KYNU: variants seen among roughly 807,000 people sequenced by gnomAD.
KYNU encodes the protein L-kynurenine hydrolase.
In KYNU, 54 loss-of-function variants were observed where a neutral mutation model predicts 59.2. That is an observed-to-expected ratio of 0.91 (90% CI 0.73 to 1.14). The LOEUF is 1.14. Among genes scored for constraint, KYNU ranks in the 50% most tolerant of loss-of-function variants. The pLI is 0.00. For missense variants in KYNU, 567 were observed against 554.4 expected, an observed-to-expected ratio of 1.02 and a Z score of -0.23; for synonymous variants, 177 against 192.0, an observed-to-expected ratio of 0.92 and a Z score of 0.65.
intron 4 of KYNU, among the ~76,000 whole-genome samples, chr2:142,932,068 C>G (rs535748942): frequency 1.3e-5 from 2 of 152,068 alleles, no homozygotes; most frequent in Non-Finnish European, 2.9e-5. Context: ...CAGGCTTGGT[C>G]GGTAGGAAAA....
chr2:143,006,381 C>A (rs938459588), intron 10 of KYNU, among the ~76,000 whole-genome samples: 5 of 151,920 alleles, frequency 3.3e-5, no homozygotes, highest in African/African-American at 1.2e-4. Context: ...GAGATTATAT[C>A]CCACACCTGG....
intron 11 of KYNU, 52 bp downstream of exon 11, chr2:143,029,731 T>A (rs1359979472): frequency 9.4e-7 from 1 of 1,060,140 alleles, no homozygotes; most frequent in Admixed American, 1.7e-5. Flanking sequence ...TTTATTTCAA[T>A]GTTCATCTGT....
At chr2:142,975,728 C>T (rs116016567) in intron 8 of KYNU, among the ~76,000 whole-genome samples, 182 of 152,250 alleles carry the variant, frequency 1.2e-3, no homozygotes, top group African/African-American at 4.1e-3. Context: ...TCTGTGTTAG[C>T]CTAATTTGCA....
intron 4 of KYNU, among the ~76,000 whole-genome samples, chr2:142,938,862 C>T (rs1428923380): frequency 6.6e-6 from 1 of 151,950 alleles, no homozygotes; most frequent in Non-Finnish European, 1.5e-5. Flanking sequence ...GTGGCTCACA[C>T]CTGTAGTTCC....
chr2:143,003,836 C>G (rs1558969781), intron 10 of KYNU, among the ~76,000 whole-genome samples: 1 of 152,076 alleles, frequency 6.6e-6, no homozygotes, highest in Non-Finnish European at 1.5e-5. Context: ...TAATGGTGTC[C>G]AATTCAGGTG....
intron 4 of KYNU, among the ~76,000 whole-genome samples, chr2:142,931,698 T>A (rs1683224223): frequency 6.6e-6 from 1 of 152,194 alleles, no homozygotes; most frequent in Admixed American, 6.5e-5. Flanking sequence ...TGTCCACGAC[T>A]GGTGGGTTTT....
chr2:142,956,773 T>C (rs1326785651), intron 6 of KYNU, among the ~76,000 whole-genome samples: 1 of 152,122 alleles, frequency 6.6e-6, no homozygotes, highest in East Asian at 1.9e-4. Context: ...AAAAGTCACA[T>C]TACTTTACTT....
chr2:142,954,327 T>C (rs1684092161), intron 4 of KYNU, among the ~76,000 whole-genome samples: 2 of 152,128 alleles, frequency 1.3e-5, no homozygotes, highest in Non-Finnish European at 2.9e-5. Flanking sequence ...TGTCTTGTTA[T>C]ATATTTCACT....
intron 4 of KYNU, among the ~76,000 whole-genome samples, chr2:142,932,753 A>G (rs115526070): frequency 0.011 from 1,141 of 107,930 alleles, 13 homozygotes; most frequent in African/African-American, 0.037. Flanking sequence ...CTTCAATAGT[A>G]TGTGGGGGCG....
chr2:142,932,297 T>C (rs1345557667), intron 4 of KYNU, among the ~76,000 whole-genome samples: 1 of 152,224 alleles, frequency 6.6e-6, no homozygotes, highest in East Asian at 1.9e-4. Flanking sequence ...TGACATACCA[T>C]GGTCCTTGCT....
chr2:142,909,343 A>AT (rs566932846), intron 2 of KYNU, among the ~76,000 whole-genome samples: 45 of 149,958 alleles, frequency 3.0e-4, no homozygotes, highest in East Asian at 5.9e-4. Context: ...TGCTGTTTGT[A>AT]TTTTTTTTTT....
chr2:142,928,825 TG>T (rs2105016577), intron 4 of KYNU, among the ~76,000 whole-genome samples: 1 of 151,594 alleles, frequency 6.6e-6, no homozygotes, highest in African/African-American at 2.4e-5. Context: ...CTGGCCAACA[TG>T]GTGAGATCCC....
At chr2:142,986,177 T>G (rs527762428) in intron 10 of KYNU, among the ~76,000 whole-genome samples, 156 bp downstream of exon 10, 8 of 152,112 alleles carry the variant, frequency 5.3e-5, no homozygotes, top group African/African-American at 1.9e-4. Context: ...TATACTTCAT[T>G]TGAAATACAT....
At position 142,908,626 on chromosome 2, in the gene KYNU, A is replaced by G. The variant is rs575076639; in HGVS notation, c.170-9983A>G. Among the ~76,000 whole-genome samples, 7 of 141,928 alleles carry G rather than the reference A, an allele frequency of 4.9e-5. No homozygotes were observed. In the South Asian group the frequency reaches 1.4e-3, roughly 29 times the overall value. 93.1% of individuals were successfully genotyped at this position (141,928 alleles called of 152,430 possible). On this transcript the variant is annotated intron_variant, in intron 2 of 13. Transcript: ENST00000264170. ...AGACCAGTATCTAAGTCCTAATAAA[A>G]TATGAAATGATCAATTTTTTTTTTT...
intron 4 of KYNU, among the ~76,000 whole-genome samples, chr2:142,943,760 C>CA (rs1357468805): frequency 1.3e-5 from 2 of 152,176 alleles, no homozygotes; most frequent in African/African-American, 4.8e-5. Flanking sequence ...GCTATCCCCC[C>CA]ACAGCTGCAG....
chr2:142,975,861 C>A (rs899481213), intron 8 of KYNU, among the ~76,000 whole-genome samples: 1 of 152,098 alleles, frequency 6.6e-6, no homozygotes, highest in African/African-American at 2.4e-5. Flanking sequence ...CATTCTGATT[C>A]CAAGTTAAAG....
chr2:143,046,447 A>G lies in KYNU; in HGVS notation c.*4275A>G, dbSNP rs1376932402. The G allele has an allele frequency of 6.6e-6, 1 of 152,086 alleles. No homozygotes were observed. The highest frequency in any genetic ancestry group is 1.5e-5 in the Non-Finnish European group (1 of 68,016). 9.4% of individuals were successfully genotyped at this position (152,086 alleles called of 1,614,324 possible). On this transcript the variant is annotated 3_prime_UTR_variant, in exon 14 of 14. Coordinates refer to ENST00000264170, the MANE Select transcript of KYNU (RefSeq NM_003937.3). The stretch of plus-strand genomic sequence containing the variant: ...CATCTTTAAGTTCTCCTATGTTACA[A>G]GTAATTTTGTAAATGATGTGAGGTG...
chr2:142,960,287 C>T (rs1352536685), intron 7 of KYNU, among the ~76,000 whole-genome samples: 1 of 152,186 alleles, frequency 6.6e-6, no homozygotes, highest in Non-Finnish European at 1.5e-5. Context: ...GGACTTCTTG[C>T]ACTTTGTGGT....
At chr2:142,887,490 T>TG (rs1681556798) in intron 2 of KYNU, among the ~76,000 whole-genome samples, 1 of 152,132 alleles carries the variant, frequency 6.6e-6, no homozygotes, top group African/African-American at 2.4e-5. Flanking sequence ...CCCCAAAAGA[T>TG]ATTAGTACAC....
Sources: gnomAD v4.1 joint callset for allele counts (sites outside exome capture counted in the v4.1 genomes callset) on GRCh38, gnomAD v4.1.1 for gene constraint, MANE v1.5 for transcripts, NCBI Gene and HGNC (gene_info 2026-07-23, HGNC 2026-07-21) for gene names.